The following TMEM120B variants were observed in gnomAD, a reference collection of about 807,000 sequenced individuals.
TMEM120B encodes the protein transmembrane protein 120B.
TMEM120B carries 31 observed loss-of-function variants against 55.5 expected under a neutral mutation model. The ratio of observed to expected loss-of-function variants is 0.56; its 90% CI spans 0.42 to 0.75. The LOEUF is 0.75. Ranked by LOEUF, TMEM120B falls within the 30% of genes least tolerant of loss-of-function variation. The pLI is 0.00. For synonymous variants in TMEM120B, 203 were observed against 176.3 expected (o/e 1.15, Z -1.20); for missense variants, 399 against 425.5 (o/e 0.94, Z 0.55).
At chr12:121,755,252 T>C (rs1327434817) in intron 5 of TMEM120B, among the ~76,000 whole-genome samples, 3 of 152,214 alleles carry the variant, frequency 2.0e-5, no homozygotes, top group Non-Finnish European at 4.4e-5. Flanking sequence ...GCCAGCATCC[T>C]CTAGGGTTCT....
intron 1 of TMEM120B, among the ~76,000 whole-genome samples, chr12:121,739,910 C>T (rs756449365): frequency 3.3e-5 from 5 of 150,140 alleles, no homozygotes; most frequent in African/African-American, 4.9e-5. Context: ...TCCTGAGTAC[C>T]TGGGATTACA....
In TMEM120B at chr12:121,758,753, G is replaced by T; in HGVS notation, c.462-2896G>T. ...GCTGTGGTCACCATGGAGGAGGACG[G>T]CCCAGCCCTGCGCTGTGGTCACCAT... On this transcript the variant is annotated intron_variant, in intron 5 of 11. Coordinates refer to ENST00000449592, the MANE Select transcript of TMEM120B (RefSeq NM_001080825.2). 4 of 977,440 alleles carry T rather than the reference G, an allele frequency of 4.1e-6. No individual in the cohort carries two copies. The Admixed American group carries it at 2.5e-4, about 62-fold the overall frequency. The allele number at this position is 977,440 out of a possible 1,614,324, so 60.5% of individuals were successfully genotyped here. A position where few individuals can be genotyped will look rare whatever the true frequency, so the allele number is the denominator to read the frequency against.
intron 1 of TMEM120B, among the ~76,000 whole-genome samples, chr12:121,726,980 TTTGGGAGGCTAAGGCAGGA>T (rs1298595343): frequency 6.7e-6 from 1 of 148,242 alleles, no homozygotes; most frequent in Non-Finnish European, 1.5e-5. Flanking sequence ...ATCCCAGCAC[TTTGGGAGGCTAAGGCAGGA>T]TCAGCCTGGG....
At chr12:121,769,143 CAAAAAAAA>C (rs34286143) in intron 6 of TMEM120B, among the ~76,000 whole-genome samples, 1 of 88,994 alleles carries the variant, frequency 1.1e-5, no homozygotes, top group Non-Finnish European at 2.4e-5. Context: ...AAGACTGTCT[CAAAAAAAA>C]AAAAAAAAGG....
chr12:121,748,291 C>T (rs763284875), intron 2 of TMEM120B, 35 bp from the exon 3 acceptor site: 6 of 1,547,170 alleles, frequency 3.9e-6, no homozygotes, highest in Non-Finnish European at 4.5e-6. Context: ...CTCTGAGTGA[C>T]GCCCCTTCCC....
chr12:121,757,665 C>T (rs1423604707), intron 5 of TMEM120B, among the ~76,000 whole-genome samples: 2 of 152,070 alleles, frequency 1.3e-5, no homozygotes, highest in African/African-American at 4.8e-5. Context: ...TACAGGTGCC[C>T]GCCACCATGC....
chr12:121,730,819 A>G (rs1055996695), intron 1 of TMEM120B, among the ~76,000 whole-genome samples: 5 of 151,394 alleles, frequency 3.3e-5, no homozygotes, highest in African/African-American at 1.2e-4. Flanking sequence ...TTAGCTGGGC[A>G]TGGTGGCACA....
intron 1 of TMEM120B, among the ~76,000 whole-genome samples, chr12:121,721,814 T>TTTTCTTC (rs1555329891): frequency 7.4e-6 from 1 of 134,504 alleles, no homozygotes; most frequent in Non-Finnish European, 1.6e-5. Context: ...CTTTTTTTTT[T>TTTTCTTC]TTTTTTTTTT....
At chr12:121,726,035 C>CA (rs35523686) in intron 1 of TMEM120B, among the ~76,000 whole-genome samples, 54,304 of 126,578 alleles carry the variant, frequency 0.43, 13,201 homozygotes, top group African/African-American at 0.69. Flanking sequence ...GACTCTGTCT[C>CA]AAAAAAAAAA....
Position 121,717,955 on chromosome 12 carries a change from C to T in TMEM120B, c.69+4991C>T, listed in dbSNP as rs778566972. Among the ~76,000 whole-genome samples, 51 of 152,302 alleles carry T rather than the reference C, an allele frequency of 3.3e-4. No homozygotes were observed. The Middle Eastern group carries it at 0.017, about 51-fold the overall frequency. Reference sequence around the variant, plus strand: ...ACAAGCGTGAGCTACCGCACCCAGCCGGGCATCTTTCTTTAGTAGCAGATT... The same window carrying T: ...ACAAGCGTGAGCTACCGCACCCAGCTGGGCATCTTTCTTTAGTAGCAGATT... On this transcript the variant is annotated intron_variant, in intron 1 of 11. Transcript: ENST00000449592.
intron 1 of TMEM120B, among the ~76,000 whole-genome samples, chr12:121,732,527 C>A (rs1197682561): frequency 6.6e-6 from 1 of 152,128 alleles, no homozygotes; most frequent in Non-Finnish European, 1.5e-5. Flanking sequence ...CCATTCTTAT[C>A]CAGTCACCAT....
intron 6 of TMEM120B, among the ~76,000 whole-genome samples, chr12:121,769,434 A>G (rs1397653922): frequency 2.6e-5 from 4 of 152,210 alleles, no homozygotes; most frequent in African/African-American, 7.2e-5. Flanking sequence ...GGCCAGGCAC[A>G]GTGGGTCACG....
intron 6 of TMEM120B, among the ~76,000 whole-genome samples, chr12:121,770,460 T>C (rs1404870400): frequency 6.6e-6 from 1 of 152,076 alleles, no homozygotes; most frequent in African/African-American, 2.4e-5. Flanking sequence ...CACTATTCAG[T>C]CTGTAGGAGG....
intron 6 of TMEM120B, among the ~76,000 whole-genome samples, chr12:121,762,010 C>T (rs570696415): frequency 3.9e-5 from 6 of 152,046 alleles, no homozygotes; most frequent in South Asian, 2.1e-4. Context: ...AAGAAGTGAG[C>T]GGCATGGCAC....
intron 5 of TMEM120B, among the ~76,000 whole-genome samples, chr12:121,753,587 A>G (rs1340128110): frequency 6.6e-6 from 1 of 152,188 alleles, no homozygotes; most frequent in African/African-American, 2.4e-5. Flanking sequence ...AAACAAAAAA[A>G]AAAAGAATGT....
chr12:121,748,890 G>A (rs1035157867), intron 3 of TMEM120B, among the ~76,000 whole-genome samples: 1 of 152,216 alleles, frequency 6.6e-6, no homozygotes, highest in East Asian at 1.9e-4. Flanking sequence ...ACACCAGGAT[G>A]TGAACAGCAG....
At chr12:121,754,277 G>A (rs1873417015) in intron 5 of TMEM120B, among the ~76,000 whole-genome samples, 1 of 152,230 alleles carries the variant, frequency 6.6e-6, no homozygotes, top group African/African-American at 2.4e-5. Flanking sequence ...AGTTGTCAAT[G>A]TGCAGCCACA....
chr12:121,723,700 G>A (rs946076780), intron 1 of TMEM120B, among the ~76,000 whole-genome samples: 7 of 152,192 alleles, frequency 4.6e-5, no homozygotes, highest in Admixed American at 1.3e-4. Flanking sequence ...GTGGGCATGG[G>A]TTGAGGAAAT....
chr12:121,739,578 T>C (rs1349270881), intron 1 of TMEM120B, among the ~76,000 whole-genome samples: 3 of 151,866 alleles, frequency 2.0e-5, no homozygotes, highest in Non-Finnish European at 4.4e-5. Context: ...GTTCAAGTAA[T>C]CCTCCCACCT....
Sources: allele counts gnomAD v4.1 joint callset (sites outside exome capture counted in the v4.1 genomes callset), GRCh38; gene constraint gnomAD v4.1.1; transcripts MANE v1.5; gene names NCBI Gene and HGNC (gene_info 2026-07-23, HGNC 2026-07-21).